The following UPP2 variants were observed in gnomAD, a reference collection of about 807,000 sequenced individuals.
UPP2 encodes the protein uridine phosphorylase 2.
UPP2 carries 23 observed loss-of-function variants against 26.7 expected under a neutral mutation model. The ratio of observed to expected loss-of-function variants is 0.86; its 90% CI spans 0.62 to 1.22. The LOEUF is 1.22. Among genes scored for constraint, UPP2 ranks in the 50% most tolerant of loss-of-function variants. The pLI, the probability that UPP2 is intolerant of heterozygous loss-of-function variation, is 0.00. For missense variants in UPP2, 387 were observed against 396.7 expected, an observed-to-expected ratio of 0.98 and a Z score of 0.21; for synonymous variants, 127 against 141.3, an observed-to-expected ratio of 0.90 and a Z score of 0.72.
At chr2:158,029,435 A>G (rs1683889928) in intron 3 of UPP2, among the ~76,000 whole-genome samples, 2 of 152,230 alleles carry the variant, frequency 1.3e-5, no homozygotes, top group South Asian at 2.1e-4. Flanking sequence ...CATGCCTTCA[A>G]GTTCCATCTG....
intron 3 of UPP2, among the ~76,000 whole-genome samples, chr2:158,024,484 C>T (rs527622684): frequency 1.3e-5 from 2 of 152,268 alleles, no homozygotes; most frequent in South Asian, 2.1e-4. Flanking sequence ...TGGCAGTTTC[C>T]ACAACAGCCA....
intron 2 of UPP2, among the ~76,000 whole-genome samples, chr2:158,006,636 G>A (rs2105137485): frequency 6.6e-6 from 1 of 152,186 alleles, no homozygotes; most frequent in South Asian, 2.1e-4. Flanking sequence ...AAAATAAAGG[G>A]ACCATTCACT....
chr2:158,056,900 A>T (rs1359736410), intron 3 of UPP2, among the ~76,000 whole-genome samples: 1 of 152,160 alleles, frequency 6.6e-6, no homozygotes, highest in Non-Finnish European at 1.5e-5. Context: ...CATCCAAGAC[A>T]CCACATTATG....
intron 3 of UPP2, among the ~76,000 whole-genome samples, chr2:158,054,370 G>A (rs948611781): frequency 7.1e-6 from 1 of 140,234 alleles, no homozygotes; most frequent in Non-Finnish European, 1.5e-5. Context: ...TTTTTGCTTT[G>A]TTGGTTATTT....
At chr2:157,995,737 A>G (rs975451813) in intron 2 of UPP2, among the ~76,000 whole-genome samples, 11 of 152,186 alleles carry the variant, frequency 7.2e-5, no homozygotes, top group African/African-American at 2.7e-4. Context: ...ACACAGACTT[A>G]CAAAATAGAA....
At chr2:158,083,822 G>T (rs905864467) in intron 3 of UPP2, among the ~76,000 whole-genome samples, 8 of 145,038 alleles carry the variant, frequency 5.5e-5, no homozygotes, top group South Asian at 2.2e-4. Flanking sequence ...ATATATACAC[G>T]TATATATAGA....
intron 2 of UPP2, among the ~76,000 whole-genome samples, chr2:158,001,504 T>A (rs931842620): frequency 1.6e-4 from 25 of 152,114 alleles, no homozygotes; most frequent in Admixed American, 1.6e-3. Flanking sequence ...ATGCTCCCCA[T>A]GGGGTGAATC....
At chr2:158,117,484 A>G (rs895486611) in intron 3 of UPP2, among the ~76,000 whole-genome samples, 1 of 151,986 alleles carries the variant, frequency 6.6e-6, no homozygotes, top group Non-Finnish European at 1.5e-5. Flanking sequence ...CTCTTTTTCA[A>G]AGGCTCATCA....
intron 6 of UPP2, among the ~76,000 whole-genome samples, chr2:158,131,293 T>C (rs137952244): frequency 7.3e-4 from 111 of 152,312 alleles, no homozygotes; most frequent in African/African-American, 2.5e-3. Context: ...AATGGGCATT[T>C]GTGCCCAGCC....
intron 6 of UPP2, chr2:158,134,058 T>A (rs1683879288): frequency 1.3e-5 from 2 of 152,236 alleles, no homozygotes; most frequent in Non-Finnish European, 2.9e-5. Context: ...TTTCATTTTT[T>A]AAAAAAGACT....
chr2:158,123,692 G>A (rs1683625927), intron 5 of UPP2, 57 bp from the exon 6 acceptor site: 1 of 1,583,900 alleles, frequency 6.3e-7, no homozygotes, highest in Non-Finnish European at 8.6e-7. Context: ...CCTCCTATGA[G>A]GCCACTGTCA....
At chr2:158,114,999 A>G (rs1683394046) in intron 2 of UPP2, 102 bp from the exon 3 acceptor site, 1 of 1,191,408 alleles carries the variant, frequency 8.4e-7, no homozygotes, top group Admixed American at 3.0e-5. Flanking sequence ...CGTGTTCTTA[A>G]GTAAATTAAC....
At chr2:158,018,751 C>G (rs1435677814) in intron 3 of UPP2, among the ~76,000 whole-genome samples, 1 of 152,172 alleles carries the variant, frequency 6.6e-6, no homozygotes, top group African/African-American at 2.4e-5. Flanking sequence ...TGTCAATACA[C>G]TCTTACATTC....
rs950297974 is a variant in UPP2, at chr2:158,135,497, C to T, written c.*607C>T. The stretch of plus-strand genomic sequence containing the variant: ...CTCAGAATATAACAACTCTGGATTA[C>T]ATTTTCCTCTCAACTGAAAACCCTC... On this transcript the variant is annotated 3_prime_UTR_variant, in exon 7 of 7. Coordinates refer to ENST00000005756, the MANE Select transcript of UPP2 (RefSeq NM_173355.4). 9 of 152,190 alleles carry T rather than the reference C, an allele frequency of 5.9e-5. No homozygotes were observed. The highest frequency in any genetic ancestry group is 2.1e-4 in the South Asian group (1 of 4,826). The allele number at this position is 152,190 out of a possible 1,614,324, so 9.4% of individuals were successfully genotyped here. A position where few individuals can be genotyped will look rare whatever the true frequency, so the allele number is the denominator to read the frequency against.
chr2:158,125,104 C>G (rs532790242), intron 6 of UPP2, among the ~76,000 whole-genome samples: 1 of 152,020 alleles, frequency 6.6e-6, no homozygotes, highest in Non-Finnish European at 1.5e-5. Context: ...TGGCAGTACA[C>G]CAGGGAAGTG....
intron 3 of UPP2, among the ~76,000 whole-genome samples, chr2:158,086,872 G>C (rs1185710282): frequency 4.6e-5 from 7 of 151,880 alleles, no homozygotes; most frequent in Admixed American, 3.9e-4. Context: ...TATAATTTTG[G>C]TTTTCTTAAA....
chr2:158,036,476 C>T (rs966200627), intron 3 of UPP2, among the ~76,000 whole-genome samples: 15 of 152,078 alleles, frequency 9.9e-5, no homozygotes, highest in African/African-American at 3.1e-4. Context: ...CATCACCAGG[C>T]CATTAGTGTG....
intron 6 of UPP2, 21 bp from the exon 7 acceptor site, chr2:158,134,727 T>C (rs754522398): frequency 2.5e-6 from 4 of 1,584,568 alleles, no homozygotes; most frequent in Non-Finnish European, 3.4e-6. Context: ...ATTCCATCAG[T>C]TGTGCTAATT....
intron 3 of UPP2, among the ~76,000 whole-genome samples, chr2:158,042,734 G>A (rs1684098233): frequency 6.6e-6 from 1 of 152,146 alleles, no homozygotes; most frequent in Non-Finnish European, 1.5e-5. Context: ...AATGTACTTT[G>A]TTCTCTTCTT....
Sources: gnomAD v4.1 joint callset for allele counts (sites outside exome capture counted in the v4.1 genomes callset) on GRCh38, gnomAD v4.1.1 for gene constraint, MANE v1.5 for transcripts, NCBI Gene and HGNC (gene_info 2026-07-23, HGNC 2026-07-21) for gene names.